CACNA2D1: variants seen among roughly 807,000 people sequenced by gnomAD.
CACNA2D1 encodes the protein calcium voltage-gated channel auxiliary subunit alpha2delta 1.
CACNA2D1 carries 53 observed loss-of-function variants against 171.5 expected under a neutral mutation model. The observed-to-expected ratio is 0.31, with a 90% CI of 0.25 to 0.39. The LOEUF is 0.39. Ranked by LOEUF, CACNA2D1 falls within the 10% of genes least tolerant of loss-of-function variation. CACNA2D1 has a pLI of 1.00. For synonymous variants in CACNA2D1, 442 were observed against 443.1 expected, an observed-to-expected ratio of 1.00 and a Z score of 0.03; for missense variants, 903 against 1,299.8, an observed-to-expected ratio of 0.69 and a Z score of 4.69.
At chr7:82,096,987 C>T (rs372912110) in intron 6 of CACNA2D1, among the ~76,000 whole-genome samples, 73 of 152,120 alleles carry the variant, frequency 4.8e-4, no homozygotes, top group African/African-American at 1.7e-3. Flanking sequence ...GTAACACCTG[C>T]CTATCAGAAA....
At chr7:82,330,799 A>T (rs1817217047) in intron 3 of CACNA2D1, among the ~76,000 whole-genome samples, 1 of 152,154 alleles carries the variant, frequency 6.6e-6, no homozygotes, top group Admixed American at 6.5e-5. Context: ...TTGTATAATT[A>T]TACACTTCTT....
chr7:82,121,943 T>G (rs2129058384), intron 5 of CACNA2D1, among the ~76,000 whole-genome samples: 1 of 152,218 alleles, frequency 6.6e-6, no homozygotes. Context: ...AAAAGAAAGT[T>G]TTAAAATTAA....
chr7:82,405,521 T>C (rs1826933697), intron 1 of CACNA2D1, among the ~76,000 whole-genome samples: 1 of 151,990 alleles, frequency 6.6e-6, no homozygotes, highest in African/African-American at 2.4e-5. Context: ...AGTAGGAAAA[T>C]GAATGACAAA....
intron 3 of CACNA2D1, among the ~76,000 whole-genome samples, chr7:82,281,325 C>T (rs983812491): frequency 1.6e-4 from 24 of 152,170 alleles, no homozygotes; most frequent in Admixed American, 1.4e-3. Flanking sequence ...GTCATTGTGT[C>T]GAGAGACGCA....
chr7:82,438,730 T>C (rs776748994), intron 1 of CACNA2D1, among the ~76,000 whole-genome samples: 7 of 152,304 alleles, frequency 4.6e-5, no homozygotes, highest in Middle Eastern at 3.4e-3. Context: ...AGTGACACAG[T>C]GCTTGATGCA....
rs1045361992 is a variant in CACNA2D1 at position 81,983,422 on chromosome 7, T to C, written c.1874-88A>G. On this transcript the variant is annotated intron_variant, in intron 22 of 38. Coordinates refer to ENST00000356860, the MANE Select transcript of CACNA2D1 (RefSeq NM_000722.4). ...GGGTCATAAACAATATTTTATTCAA[T>C]GACTTTCTTGAATAAAAATATTGTG... is the stretch of plus-strand genomic sequence containing the variant. 4 of 936,684 alleles carry C rather than the reference T, an allele frequency of 4.3e-6. No homozygotes were observed. The East Asian group carries it at 7.7e-5, about 18-fold the overall frequency. The allele number at this position is 936,684 out of a possible 1,614,324, so 58.0% of individuals were successfully genotyped here.
chr7:82,303,309 C>T (rs553343737), intron 3 of CACNA2D1, among the ~76,000 whole-genome samples: 2 of 152,204 alleles, frequency 1.3e-5, no homozygotes, highest in East Asian at 1.9e-4. Context: ...ATCCGGCCAA[C>T]ATTTGGTCTT....
At chr7:82,103,955 C>A (rs258675) in intron 6 of CACNA2D1, among the ~76,000 whole-genome samples, 127,411 of 151,998 alleles carry the variant, frequency 0.84, 53,851 homozygotes, top group African/African-American at 0.95. Flanking sequence ...GCTGCATATT[C>A]ATAACTTGAA....
chr7:82,009,885 A>C (rs1799560845), intron 15 of CACNA2D1, among the ~76,000 whole-genome samples: 1 of 152,084 alleles, frequency 6.6e-6, no homozygotes, highest in Non-Finnish European at 1.5e-5. Context: ...AACTCTTGTC[A>C]TATCTCTTTT....
chr7:82,063,207 A>G (rs545160986), intron 9 of CACNA2D1, among the ~76,000 whole-genome samples: 1 of 152,196 alleles, frequency 6.6e-6, no homozygotes, highest in Non-Finnish European at 1.5e-5. Flanking sequence ...TTTTGAAATG[A>G]CATTATTTCT....
chr7:82,018,395 C>A (rs1800770117), intron 12 of CACNA2D1, among the ~76,000 whole-genome samples: 1 of 152,080 alleles, frequency 6.6e-6, no homozygotes. Flanking sequence ...TCAGTAAGTT[C>A]ATTACAGTAT....
At chr7:81,951,556 T>C (rs937123195) in intron 38 of CACNA2D1, among the ~76,000 whole-genome samples, 2 of 152,094 alleles carry the variant, frequency 1.3e-5, no homozygotes, top group African/African-American at 4.8e-5. Context: ...TGCATCCTTA[T>C]AGCTTAGCTC....
intron 3 of CACNA2D1, among the ~76,000 whole-genome samples, chr7:82,232,719 C>G (rs924031420): frequency 6.6e-6 from 1 of 151,666 alleles, no homozygotes; most frequent in Non-Finnish European, 1.5e-5. Flanking sequence ...CAAAAATTAG[C>G]CGGGCATGGT....
chr7:82,280,631 G>A (rs1179264740), intron 3 of CACNA2D1, among the ~76,000 whole-genome samples: 1 of 152,130 alleles, frequency 6.6e-6, no homozygotes, highest in Non-Finnish European at 1.5e-5. Flanking sequence ...AGCTTTTTAT[G>A]TAATCTCATC....
intron 10 of CACNA2D1, among the ~76,000 whole-genome samples, chr7:82,042,674 G>T (rs1024240619): frequency 6.6e-6 from 1 of 152,106 alleles, no homozygotes; most frequent in Non-Finnish European, 1.5e-5. Flanking sequence ...TTCTACTCCA[G>T]CATTGGGGCA....
chr7:81,977,041 A>T (rs1448276733), intron 24 of CACNA2D1, among the ~76,000 whole-genome samples: 1 of 152,032 alleles, frequency 6.6e-6, no homozygotes, highest in African/African-American at 2.4e-5. Flanking sequence ...AATACCCTTT[A>T]TTTCTTTCTC....
chr7:82,005,368 CATT>C, intron 18 of CACNA2D1, 52 bp downstream of exon 18: 1 of 1,044,618 alleles, frequency 9.6e-7, no homozygotes, highest in Non-Finnish European at 1.5e-6. Context: ...CTATTAAGAA[CATT>C]AATCATTAAT....
intron 1 of CACNA2D1, among the ~76,000 whole-genome samples, chr7:82,392,923 C>T (rs1278913428): frequency 6.6e-6 from 1 of 151,798 alleles, no homozygotes; most frequent in Admixed American, 6.6e-5. Flanking sequence ...TACAGTTATC[C>T]CTTTCCTACC....
rs1451785373 is a variant in CACNA2D1, at chr7:81,949,257, G to A, written c.*1135C>T. 6.6e-6 allele frequency: 1 copy of A among 152,046 alleles called. No homozygotes were observed. The highest frequency in any genetic ancestry group is 1.9e-4 in the East Asian group (1 of 5,184). 9.4% of individuals were successfully genotyped at this position (152,046 alleles called of 1,614,324 possible). A position where few individuals can be genotyped will look rare whatever the true frequency, so the allele number is the denominator to read the frequency against. On this transcript the variant is annotated 3_prime_UTR_variant, in exon 39 of 39. Transcript: ENST00000356860. ...TACATAGGTTATCAGGCGAAAGCAT[G>A]AATCTGTATAAAATTCATTAATTCT...
Sources: gnomAD v4.1 joint callset for allele counts (sites outside exome capture counted in the v4.1 genomes callset) on GRCh38, gnomAD v4.1.1 for gene constraint, MANE v1.5 for transcripts, NCBI Gene and HGNC (gene_info 2026-07-23, HGNC 2026-07-21) for gene names.